The following NOVA1 variants were observed in gnomAD, a reference collection of about 807,000 sequenced individuals.
NOVA1 encodes the protein RNA-binding protein Nova-1.
A neutral mutation model predicts 38.0 loss-of-function variants in NOVA1; 7 were observed. The observed-to-expected ratio is 0.18, with a 90% CI of 0.10 to 0.35. The LOEUF is 0.35. NOVA1 is among the 10% of genes least tolerant of loss of function. The pLI, the probability that NOVA1 is intolerant of heterozygous loss-of-function variation, is 1.00. For synonymous variants in NOVA1, 270 were observed against 232.5 expected, an observed-to-expected ratio of 1.16 and a Z score of -1.47; for missense variants, 460 against 616.0, an observed-to-expected ratio of 0.75 and a Z score of 2.68.
At chr14:26,515,253 G>A (rs1888378620) in intron 2 of NOVA1, among the ~76,000 whole-genome samples, 1 of 151,820 alleles carries the variant, frequency 6.6e-6, no homozygotes, top group South Asian at 2.1e-4. Context: ...TGACTGTAAT[G>A]TGTAACCTGG....
chr14:26,475,710 G>C (rs1046162861), intron 3 of NOVA1, among the ~76,000 whole-genome samples: 1 of 152,148 alleles, frequency 6.6e-6, no homozygotes. Flanking sequence ...TTTTAAAACA[G>C]TGGATCTTTT....
intron 4 of NOVA1, chr14:26,470,474 C>G (rs781589724): frequency 6.4e-7 from 1 of 1,555,052 alleles, no homozygotes; most frequent in East Asian, 2.3e-5. Context: ...TCATGATATC[C>G]AGGAGATATT....
At chr14:26,488,567 G>A (rs564096936) in intron 2 of NOVA1, among the ~76,000 whole-genome samples, 34 of 152,060 alleles carry the variant, frequency 2.2e-4, no homozygotes, top group African/African-American at 8.2e-4. Context: ...TAAATTTTGA[G>A]GCCATGCAAA....
chr14:26,470,340 G>T, intron 4 of NOVA1: 2 of 1,461,430 alleles, frequency 1.4e-6, no homozygotes, highest in South Asian at 1.2e-5. Flanking sequence ...CACATGATTA[G>T]AATCTACTGG....
intron 2 of NOVA1, among the ~76,000 whole-genome samples, chr14:26,541,641 T>A (rs1172647721): frequency 6.6e-6 from 1 of 150,548 alleles, no homozygotes; most frequent in Non-Finnish European, 1.5e-5. Flanking sequence ...AGAATTTTGT[T>A]CTTCCTAATC....
chr14:26,518,342 T>C (rs954439804), intron 2 of NOVA1, among the ~76,000 whole-genome samples: 2 of 152,006 alleles, frequency 1.3e-5, no homozygotes, highest in African/African-American at 4.8e-5. Context: ...ACAATAATTA[T>C]GGTAAAAGCA....
At chr14:26,531,032 C>G (rs1889674249) in intron 2 of NOVA1, among the ~76,000 whole-genome samples, 1 of 152,110 alleles carries the variant, frequency 6.6e-6, no homozygotes, top group Admixed American at 6.5e-5. Flanking sequence ...TCCACCTAAA[C>G]CCACTACTAA....
At chr14:26,594,083 T>TAG (rs1894029465) in intron 2 of NOVA1, 1 of 151,974 alleles carries the variant, frequency 6.6e-6, no homozygotes, top group South Asian at 2.1e-4. Flanking sequence ...GTGAATATGT[T>TAG]AGCAAACTTT....
chr14:26,510,695 A>G (rs1211837160), intron 2 of NOVA1, among the ~76,000 whole-genome samples: 1 of 152,170 alleles, frequency 6.6e-6, no homozygotes, highest in Non-Finnish European at 1.5e-5. Context: ...ACAACAAACT[A>G]AAGGCAAAAT....
chr14:26,562,915 C>A (rs1891913744), intron 2 of NOVA1, among the ~76,000 whole-genome samples: 1 of 152,068 alleles, frequency 6.6e-6, no homozygotes, highest in Non-Finnish European at 1.5e-5. Flanking sequence ...TTAAAATGGA[C>A]AGAAGCGGTT....
chr14:26,462,776 T>C (rs929966709), intron 4 of NOVA1, among the ~76,000 whole-genome samples: 1 of 152,188 alleles, frequency 6.6e-6, no homozygotes, highest in Non-Finnish European at 1.5e-5. Context: ...CAAGTAGCTT[T>C]AAAGCATATG....
At chr14:26,498,092 C>T (rs1886951762) in intron 2 of NOVA1, among the ~76,000 whole-genome samples, 1 of 152,092 alleles carries the variant, frequency 6.6e-6, no homozygotes. Context: ...TATAGTCTTG[C>T]TCTGTCACCC....
intron 4 of NOVA1, among the ~76,000 whole-genome samples, chr14:26,457,574 T>A (rs1883286397): frequency 6.6e-6 from 1 of 152,146 alleles, no homozygotes; most frequent in African/African-American, 2.4e-5. Flanking sequence ...CTCTGCTAGT[T>A]GTACACAAAG....
chr14:26,505,280 C>A (rs1367656699), intron 2 of NOVA1, among the ~76,000 whole-genome samples: 3 of 152,048 alleles, frequency 2.0e-5, no homozygotes, highest in Non-Finnish European at 2.9e-5. Context: ...GAATTATAAA[C>A]CCCATGTGTC....
At chr14:26,577,945 T>C (rs1429157669) in intron 2 of NOVA1, among the ~76,000 whole-genome samples, 3 of 151,728 alleles carry the variant, frequency 2.0e-5, no homozygotes, top group Admixed American at 6.6e-5. Context: ...TGATACTGGA[T>C]TGGATCACCA....
intron 3 of NOVA1, among the ~76,000 whole-genome samples, chr14:26,473,939 ACTT>A (rs1042921930): frequency 6.6e-6 from 1 of 151,948 alleles, no homozygotes; most frequent in Non-Finnish European, 1.5e-5. Context: ...CTCAAGAGAG[ACTT>A]CATTTCCAAT....
intron 2 of NOVA1, among the ~76,000 whole-genome samples, chr14:26,529,279 A>G (rs1889529419): frequency 6.6e-6 from 1 of 152,012 alleles, no homozygotes; most frequent in Non-Finnish European, 1.5e-5. Flanking sequence ...CTGGGATTAC[A>G]AGCGCCCACC....
chr14:26,498,531 T>C (rs1366259677), intron 2 of NOVA1, among the ~76,000 whole-genome samples: 1 of 152,174 alleles, frequency 6.6e-6, no homozygotes, highest in Non-Finnish European at 1.5e-5. Flanking sequence ...ATTACCATAA[T>C]ATTAAAATAA....
At chr14:26,474,905 T>TG (rs1328376416) in intron 3 of NOVA1, among the ~76,000 whole-genome samples, 1 of 148,248 alleles carries the variant, frequency 6.7e-6, no homozygotes, top group South Asian at 2.1e-4. Flanking sequence ...AAAAGACCCC[T>TG]GCTTTATAAA....
Sources: allele counts gnomAD v4.1 joint callset (sites outside exome capture counted in the v4.1 genomes callset), GRCh38; gene constraint gnomAD v4.1.1; transcripts MANE v1.5; gene names NCBI Gene and HGNC (gene_info 2026-07-23, HGNC 2026-07-21).